The following SUPT3H variants were observed in gnomAD, a reference collection of about 807,000 sequenced individuals.
The protein encoded by SUPT3H is transcription initiation protein SPT3 homolog.
SUPT3H carries 44 observed loss-of-function variants against 44.3 expected under a neutral mutation model. That is an observed-to-expected ratio of 0.99 (90% CI 0.78 to 1.28). The LOEUF is 1.28. Ranked by LOEUF, SUPT3H falls within the 50% of genes most tolerant of loss-of-function variation. The pLI is 0.00. For synonymous variants in SUPT3H, 124 were observed against 125.6 expected (o/e 0.99, Z 0.09); for missense variants, 380 against 387.1 (o/e 0.98, Z 0.15).
At chr6:44,984,708 T>TCCC (rs1779540855) in intron 6 of SUPT3H, among the ~76,000 whole-genome samples, 1 of 152,166 alleles carries the variant, frequency 6.6e-6, no homozygotes, top group Non-Finnish European at 1.5e-5. Flanking sequence ...CTGACCTCTT[T>TCCC]CCTATATGTA....
At chr6:45,197,626 G>A in intron 2 of SUPT3H, 1 of 342,702 alleles carries the variant, frequency 2.9e-6, no homozygotes, top group Non-Finnish European at 5.8e-6. Flanking sequence ...AAAGTTTTGT[G>A]GTATTTGCAG....
At chr6:45,325,530 C>T (rs192386603) in intron 2 of SUPT3H, among the ~76,000 whole-genome samples, 27 of 151,824 alleles carry the variant, frequency 1.8e-4, no homozygotes, top group African/African-American at 6.5e-4. Context: ...ATTTCATTTC[C>T]ATGGCATTAA....
At chr6:45,314,183 A>G (rs1246494741) in intron 2 of SUPT3H, among the ~76,000 whole-genome samples, 3 of 152,330 alleles carry the variant, frequency 2.0e-5, no homozygotes, top group East Asian at 1.9e-4. Flanking sequence ...CACAGCCAAC[A>G]TAATACTGAA....
At chr6:45,204,264 A>AGAAGAAGGAGGAGGAGGGGGAGGGGGAG (rs1562683367) in intron 2 of SUPT3H, among the ~76,000 whole-genome samples, 1 of 151,266 alleles carries the variant, frequency 6.6e-6, no homozygotes, top group African/African-American at 2.5e-5. Flanking sequence ...AAGAAGAAGA[A>AGAAGAAGGAGGAGGAGGGGGAGGGGGAG]GAAGAAGAAG....
chr6:45,366,053 T>A (rs1795082653), intron 1 of SUPT3H, among the ~76,000 whole-genome samples: 1 of 152,164 alleles, frequency 6.6e-6, no homozygotes, highest in Non-Finnish European at 1.5e-5. Context: ...AACATTAAAA[T>A]AATGTCATGA....
intron 2 of SUPT3H, among the ~76,000 whole-genome samples, chr6:45,165,093 C>T (rs1310159502): frequency 6.6e-6 from 1 of 152,152 alleles, no homozygotes; most frequent in Non-Finnish European, 1.5e-5. Flanking sequence ...CTGCAAGGCT[C>T]ACATCCAATA....
At chr6:44,949,258 G>T (rs1773877241) in intron 9 of SUPT3H, among the ~76,000 whole-genome samples, 1 of 152,054 alleles carries the variant, frequency 6.6e-6, no homozygotes, top group Admixed American at 6.6e-5. Flanking sequence ...GGGGAATGGG[G>T]AGGGATAGCA....
intron 10 of SUPT3H, among the ~76,000 whole-genome samples, chr6:44,928,885 A>AATAAATAAATAAAT (rs1424280912): frequency 1.7e-5 from 2 of 120,686 alleles, no homozygotes; most frequent in Admixed American, 8.2e-5. Flanking sequence ...TCCGTCTCAA[A>AATAAATAAATAAAT]AAAAAAAAAA....
chr6:45,022,820 C>G (rs1334160187), intron 3 of SUPT3H, among the ~76,000 whole-genome samples: 1 of 152,034 alleles, frequency 6.6e-6, no homozygotes, highest in Non-Finnish European at 1.5e-5. Flanking sequence ...CCAAAATACT[C>G]AAGTCCTGCA....
At chr6:45,083,625 A>G (rs1026495840) in intron 3 of SUPT3H, among the ~76,000 whole-genome samples, 76 of 152,256 alleles carry the variant, frequency 5.0e-4, no homozygotes, top group South Asian at 2.1e-4. Flanking sequence ...ACCAATAAAA[A>G]GCTTGAATAC....
At chr6:44,993,556 T>C (rs1780879456) in intron 6 of SUPT3H, among the ~76,000 whole-genome samples, 1 of 152,110 alleles carries the variant, frequency 6.6e-6, no homozygotes, top group Non-Finnish European at 1.5e-5. Context: ...AAATGTAATT[T>C]GATAGTATAA....
chr6:45,204,321 C>T (rs1269408992), intron 2 of SUPT3H, among the ~76,000 whole-genome samples: 2 of 135,746 alleles, frequency 1.5e-5, no homozygotes, highest in Non-Finnish European at 3.3e-5. Flanking sequence ...ATCTTCAGAG[C>T]CAGGTAAGAG....
At chr6:45,223,238 A>T (rs183287003) in intron 2 of SUPT3H, among the ~76,000 whole-genome samples, 52 of 152,246 alleles carry the variant, frequency 3.4e-4, no homozygotes, top group Middle Eastern at 3.4e-3. Flanking sequence ...GGATGTTATC[A>T]ATGTTAATAT....
chr6:44,854,963 G>A (rs560870278), intron 10 of SUPT3H, among the ~76,000 whole-genome samples: 2 of 152,210 alleles, frequency 1.3e-5, no homozygotes, highest in South Asian at 4.2e-4. Flanking sequence ...TAAGCACAAA[G>A]AGGAAGCACA....
chr6:45,125,324 G>C (rs960908416), intron 2 of SUPT3H, among the ~76,000 whole-genome samples: 1 of 152,156 alleles, frequency 6.6e-6, no homozygotes, highest in Non-Finnish European at 1.5e-5. Context: ...TAATTGTCAT[G>C]TTAAAATTAA....
At chr6:44,968,793 T>TA (rs1777143728) in intron 6 of SUPT3H, among the ~76,000 whole-genome samples, 1 of 152,170 alleles carries the variant, frequency 6.6e-6, no homozygotes, top group African/African-American at 2.4e-5. Flanking sequence ...CTCTGACTCA[T>TA]AAACAAATGG....
chr6:44,918,814 A>G (rs956910922), intron 10 of SUPT3H, among the ~76,000 whole-genome samples: 3 of 152,212 alleles, frequency 2.0e-5, no homozygotes, highest in African/African-American at 7.2e-5. Context: ...AAATCCACAG[A>G]TAGCTTACAC....
chr6:45,306,230 A>C (rs530119959), intron 2 of SUPT3H, among the ~76,000 whole-genome samples: 49 of 152,348 alleles, frequency 3.2e-4, no homozygotes, highest in Non-Finnish European at 6.0e-4. Flanking sequence ...TCCACAAGCC[A>C]TACCCAGTAC....
At chr6:44,830,766 G>A (rs974684446) in intron 10 of SUPT3H, among the ~76,000 whole-genome samples, 6 of 151,798 alleles carry the variant, frequency 4.0e-5, no homozygotes, top group African/African-American at 1.5e-4. Flanking sequence ...AATCTTTTCA[G>A]AAAAACAAAG....
Sources: allele counts gnomAD v4.1 joint callset (sites outside exome capture counted in the v4.1 genomes callset), GRCh38; gene constraint gnomAD v4.1.1; transcripts MANE v1.5; gene names NCBI Gene and HGNC (gene_info 2026-07-23, HGNC 2026-07-21).